NRCAM: variants seen among roughly 807,000 people sequenced by gnomAD.
The protein encoded by NRCAM is NgCAM-related cell adhesion molecule.
In NRCAM, 83 loss-of-function variants were observed where a neutral mutation model predicts 156.5. That is an observed-to-expected ratio of 0.53 (90% confidence interval 0.44 to 0.64). NRCAM has a LOEUF of 0.64. NRCAM is among the 30% of genes least tolerant of loss of function. NRCAM has a pLI of 0.00. For missense variants in NRCAM, 1,417 were observed against 1,597.3 expected (o/e 0.89, Z 1.92); for synonymous variants, 538 against 563.9 (o/e 0.95, Z 0.65).
chr7:108,274,633 T>C (rs1431979547), intron 3 of NRCAM, among the ~76,000 whole-genome samples: 1 of 152,220 alleles, frequency 6.6e-6, no homozygotes, highest in Non-Finnish European at 1.5e-5. Flanking sequence ...CTTAACGAGA[T>C]TTTGGGCTCA....
intron 2 of NRCAM, among the ~76,000 whole-genome samples, chr7:108,399,112 A>T (rs2099784813): frequency 2.0e-5 from 3 of 152,156 alleles, no homozygotes; most frequent in Non-Finnish European, 4.4e-5. Context: ...GACCCTAAAT[A>T]CATAAGAAAT....
chr7:108,193,489 T>C (rs1460780142), intron 17 of NRCAM, among the ~76,000 whole-genome samples: 2 of 152,226 alleles, frequency 1.3e-5, no homozygotes, highest in Non-Finnish European at 2.9e-5. Flanking sequence ...CCATGACCTT[T>C]CTTCCATTCT....
intron 2 of NRCAM, among the ~76,000 whole-genome samples, chr7:108,351,613 T>G (rs1277253988): frequency 2.0e-5 from 3 of 152,218 alleles, no homozygotes; most frequent in Admixed American, 2.0e-4. Context: ...TTTCACTGTC[T>G]TTTTGACAAC....
chr7:108,390,836 T>C (rs1339737297), intron 2 of NRCAM, among the ~76,000 whole-genome samples: 5 of 152,202 alleles, frequency 3.3e-5, no homozygotes. Context: ...ATGTACCCAG[T>C]AGTCATTCAG....
chr7:108,213,315 AC>A (rs2085796567), intron 11 of NRCAM, among the ~76,000 whole-genome samples: 1 of 152,214 alleles, frequency 6.6e-6, no homozygotes, highest in Non-Finnish European at 1.5e-5. Flanking sequence ...ATCACACAGG[AC>A]CTATAAAACA....
chr7:108,149,868 A>G lies in NRCAM; in HGVS notation c.*42T>C. The G allele has an allele frequency of 1.3e-6, 2 of 1,523,366 alleles. No individual in the cohort carries two copies. Among genetic ancestry groups the G allele is most frequent in the Non-Finnish European group, 9.0e-7 (1 of 1,113,732 alleles). The allele number at this position is 1,523,366 out of a possible 1,614,324, so 94.4% of individuals were successfully genotyped here. ...GGGCTGACAAACAAGTGCTTAGGATAAACATTCTAGAGAAATGGAATATTG... is the reference window on the plus strand; with the variant it reads ...GGGCTGACAAACAAGTGCTTAGGATGAACATTCTAGAGAAATGGAATATTG... On this transcript the variant is annotated 3_prime_UTR_variant, in exon 33 of 33. Transcript: ENST00000379028.
At chr7:108,193,944 T>A in intron 17 of NRCAM, 80 bp downstream of exon 17, 1 of 1,391,954 alleles carries the variant, frequency 7.2e-7, no homozygotes, top group Non-Finnish European at 9.8e-7. Flanking sequence ...ATCACCATAA[T>A]TGACTACATA....
chr7:108,425,613 A>G, intron 1 of NRCAM, among the ~76,000 whole-genome samples: 1 of 152,228 alleles, frequency 6.6e-6, no homozygotes, highest in South Asian at 2.1e-4. Context: ...TAGTTCTTAC[A>G]TATATTTAAA....
intron 3 of NRCAM, among the ~76,000 whole-genome samples, chr7:108,249,196 T>C (rs2096176787): frequency 6.6e-6 from 1 of 152,156 alleles, no homozygotes; most frequent in Non-Finnish European, 1.5e-5. Flanking sequence ...TCAAAATATA[T>C]TTTGCCAAGG....
At chr7:108,287,332 CTTAA>C (rs910883525) in intron 3 of NRCAM, among the ~76,000 whole-genome samples, 3 of 151,838 alleles carry the variant, frequency 2.0e-5, no homozygotes, top group African/African-American at 7.2e-5. Context: ...ACAAATGGAA[CTTAA>C]TTAAACTAAA....
chr7:108,225,424 A>T (rs1423404571), intron 10 of NRCAM, among the ~76,000 whole-genome samples: 1 of 152,214 alleles, frequency 6.6e-6, no homozygotes, highest in East Asian at 1.9e-4. Flanking sequence ...AAACAGTTAC[A>T]ACAGGTTTCA....
chr7:108,240,084 ACT>A lies in NRCAM; in HGVS notation c.-22_-21del. 2 of 1,508,910 alleles carry A rather than the reference ACT, an allele frequency of 1.3e-6. No individual in the cohort carries two copies. The highest frequency in any genetic ancestry group is 1.8e-6 in the Non-Finnish European group (2 of 1,089,462). 93.5% of individuals were successfully genotyped at this position (1,508,910 alleles called of 1,614,324 possible). ...CTGCATTAGCTTAACTCCTGCTGAG[ACT>A]CACACACTGAATTTCCTTTTCTTCT... On this transcript the variant is annotated 5_prime_UTR_variant, in exon 4 of 33. Coordinates refer to ENST00000379028, the MANE Select transcript of NRCAM (RefSeq NM_001037132.4).
intron 2 of NRCAM, among the ~76,000 whole-genome samples, chr7:108,387,151 G>A (rs974799138): frequency 6.6e-6 from 1 of 152,010 alleles, no homozygotes; most frequent in Admixed American, 6.6e-5. Flanking sequence ...TTCTTATCCT[G>A]AACAATTCCA....
At chr7:108,352,799 G>C (rs1363809887) in intron 2 of NRCAM, among the ~76,000 whole-genome samples, 2 of 151,964 alleles carry the variant, frequency 1.3e-5, no homozygotes, top group East Asian at 3.9e-4. Flanking sequence ...ATAAAGCTAA[G>C]AGTCCTGAAT....
intron 11 of NRCAM, among the ~76,000 whole-genome samples, chr7:108,213,865 T>C (rs947376631): frequency 2.0e-5 from 3 of 152,230 alleles, no homozygotes; most frequent in Non-Finnish European, 4.4e-5. Context: ...ATGTGGTTTT[T>C]GTCACTGGTT....
At chr7:108,436,833 C>T (rs1598028561) in intron 1 of NRCAM, among the ~76,000 whole-genome samples, 1 of 152,120 alleles carries the variant, frequency 6.6e-6, no homozygotes, top group South Asian at 2.1e-4. Flanking sequence ...TAAATTAATA[C>T]ATCTGATATG....
chr7:108,434,787 A>AT (rs147590876), intron 1 of NRCAM, among the ~76,000 whole-genome samples: 12 of 151,782 alleles, frequency 7.9e-5, no homozygotes, highest in East Asian at 1.9e-4. Flanking sequence ...AACCAGGCTA[A>AT]TTTTTTTTTA....
chr7:108,252,233 G>C (rs1313538475), intron 3 of NRCAM, among the ~76,000 whole-genome samples: 1 of 152,204 alleles, frequency 6.6e-6, no homozygotes, highest in Non-Finnish European at 1.5e-5. Context: ...CTCCTGCGTG[G>C]TCAGCTGGCT....
intron 1 of NRCAM, among the ~76,000 whole-genome samples, chr7:108,444,090 CAA>C (rs200635162): frequency 0.016 from 2,448 of 152,068 alleles, 24 homozygotes; most frequent in Non-Finnish European, 0.026. Context: ...ATAAATAAAA[CAA>C]TGCAACAATT....
Sources: allele counts gnomAD v4.1 joint callset (sites outside exome capture counted in the v4.1 genomes callset), GRCh38; gene constraint gnomAD v4.1.1; transcripts MANE v1.5; gene names NCBI Gene and HGNC (gene_info 2026-07-23, HGNC 2026-07-21).